The following MPZL3 variants were observed in gnomAD, a reference collection of about 807,000 sequenced individuals.
The protein encoded by MPZL3 is myelin protein zero like 3.
In MPZL3, 23 loss-of-function variants were observed where a neutral mutation model predicts 24.8. That is an observed-to-expected ratio of 0.93 (90% CI 0.67 to 1.31). MPZL3 has a LOEUF of 1.31. MPZL3 is among the 40% of genes most tolerant of loss of function. The probability of loss-of-function intolerance (pLI) is 0.00; values close to 1 mark genes in which losing one functional copy is unlikely to be tolerated. For missense variants in MPZL3, 277 were observed against 294.9 expected (o/e 0.94, Z 0.44); for synonymous variants, 99 against 106.5 (o/e 0.93, Z 0.44).
intron 1 of MPZL3, among the ~76,000 whole-genome samples, chr11:118,244,891 A>T (rs921834823): frequency 6.6e-6 from 1 of 152,174 alleles, no homozygotes; most frequent in Non-Finnish European, 1.5e-5. Context: ...CCTGGCTAAC[A>T]CGGTGAAACC....
chr11:118,238,357 T>C (rs1280109113), intron 2 of MPZL3, among the ~76,000 whole-genome samples: 2 of 152,206 alleles, frequency 1.3e-5, no homozygotes, highest in Non-Finnish European at 2.9e-5. Context: ...AGTGAATATA[T>C]GTTGAATTAA....
rs1555113047 is a variant in MPZL3 at position 118,251,118 on chromosome 11, T to TGA, written c.73+1102_73+1103dup. ...GTGTGTGTGTGTGTGTGTGTGTGTG[T>TGA]GAAAGAGAGAGAGAGAGGACTGGGT... is the stretch of plus-strand genomic sequence containing the variant. On this transcript the variant is annotated intron_variant, in intron 1 of 5. Coordinates refer to ENST00000278949, the MANE Select transcript of MPZL3 (RefSeq NM_198275.3). 4.2e-3 allele frequency among the ~76,000 whole-genome samples: 550 copies of TGA among 129,780 alleles called. 7 individuals carry two copies. Among genetic ancestry groups the TGA allele is most frequent in the African/African-American group, 0.015 (516 of 35,316 alleles). The allele number at this position is 129,780 out of a possible 152,430, so 85.1% of individuals were successfully genotyped here. A position where few individuals can be genotyped will look rare whatever the true frequency, so the allele number is the denominator to read the frequency against.
chr11:118,231,887 T>C (rs1949357191), intron 5 of MPZL3, among the ~76,000 whole-genome samples: 1 of 152,158 alleles, frequency 6.6e-6, no homozygotes. Flanking sequence ...TGCCTCCTAC[T>C]TGGACTCTCT....
intron 1 of MPZL3, among the ~76,000 whole-genome samples, chr11:118,249,340 C>CAT (rs1949593210): frequency 1.3e-5 from 2 of 152,216 alleles, no homozygotes; most frequent in African/African-American, 4.8e-5. Flanking sequence ...CTTTTCTCTA[C>CAT]ATATATATAC....
rs929527921 is a variant in MPZL3 at position 118,244,626 on chromosome 11, A to G, written c.74-4249T>C. ...CAACACAAAAAAACACGAAAGGGAG[A>G]GAAAATAGAATGAGATGTGGCTGGG... On this transcript the variant is annotated intron_variant, in intron 1 of 5. Coordinates refer to ENST00000278949, the MANE Select transcript of MPZL3 (RefSeq NM_198275.3). 5.9e-5 allele frequency among the ~76,000 whole-genome samples: 9 copies of G among 152,336 alleles called. No homozygotes were observed. In the East Asian group the frequency reaches 7.7e-4, roughly 13 times the overall value.
Position 118,235,454 on chromosome 11 carries a change from T to G in MPZL3, c.587A>C (p.Tyr196Ser), listed in dbSNP as rs773163333. The stretch of plus-strand genomic sequence containing the variant: ...GGAAACCTCAATAGATGACTTCTTA[T>G]AGCCAGACCTGCTCCTCTTCTTCAG... ...AGLKKRSRSG[Y>S]KKSSIEVSDD... Residue 196 changes from tyrosine to serine, a missense_variant, in exon 4 of 6, where the codon TAT (tyrosine) becomes TCT (serine). By Grantham distance (144) the Tyr-to-Ser change is moderately radical. Coordinates refer to ENST00000278949, the MANE Select transcript of MPZL3 (RefSeq NM_198275.3). 6.2e-6 allele frequency: 10 copies of G among 1,613,782 alleles called. No homozygotes were observed. Among genetic ancestry groups the G allele is most frequent in the Non-Finnish European group, 8.5e-6 (10 of 1,179,890 alleles).
rs1475358373 is a variant in MPZL3, at chr11:118,228,739, C to T, written c.*1155G>A. The T allele has an allele frequency of 1.3e-5, 2 of 152,136 alleles. No homozygotes were observed. Among genetic ancestry groups the T allele is most frequent in the African/African-American group, 2.4e-5 (1 of 41,404 alleles). 9.4% of individuals were successfully genotyped at this position (152,136 alleles called of 1,614,324 possible). A position where few individuals can be genotyped will look rare whatever the true frequency, so the allele number is the denominator to read the frequency against. ...AAGATGATTTAATTTGCAAAGAACT[C>T]CTGAAATACTCCATAAGCCCCCCAC... is the stretch of plus-strand genomic sequence containing the variant. On this transcript the variant is annotated 3_prime_UTR_variant, in exon 6 of 6. Coordinates refer to ENST00000278949, the MANE Select transcript of MPZL3 (RefSeq NM_198275.3).
chr11:118,240,465 T>A, intron 1 of MPZL3, 88 bp from the exon 2 acceptor site: 2 of 1,367,474 alleles, frequency 1.5e-6, no homozygotes, highest in Non-Finnish European at 2.0e-6. Flanking sequence ...AGAGCCCTCA[T>A]CAAAAAGCCA....
At chr11:118,238,576 C>T (rs1302100248) in intron 2 of MPZL3, among the ~76,000 whole-genome samples, 1 of 152,154 alleles carries the variant, frequency 6.6e-6, no homozygotes, top group Non-Finnish European at 1.5e-5. Context: ...TGGTACCTTC[C>T]CATTTAGGAA....
rs1390473954 is a variant in MPZL3, at chr11:118,227,447, G to A, written c.*2447C>T. 1 of 152,210 alleles carries A rather than the reference G, an allele frequency of 6.6e-6. No individual in the cohort carries two copies. Among genetic ancestry groups the A allele is most frequent in the African/African-American group, 2.4e-5 (1 of 41,448 alleles). The allele number at this position is 152,210 out of a possible 1,614,324, so 9.4% of individuals were successfully genotyped here. On this transcript the variant is annotated 3_prime_UTR_variant, in exon 6 of 6. Coordinates refer to ENST00000278949, the MANE Select transcript of MPZL3 (RefSeq NM_198275.3). ...TCATCCTTAAAGAAGGCAGGTGTCT[G>A]TACACTGCTTTGTGATCCTTCGAAG...
intron 1 of MPZL3, among the ~76,000 whole-genome samples, chr11:118,249,207 A>C (rs1286278552): frequency 2.0e-5 from 3 of 152,172 alleles, no homozygotes; most frequent in African/African-American, 7.2e-5. Flanking sequence ...GACTGGAAAG[A>C]AGCACAAAAG....
chr11:118,237,196 C>T lies in MPZL3; in HGVS notation c.305G>A (p.Trp102Ter). 2 of 1,614,066 alleles carry T rather than the reference C, an allele frequency of 1.2e-6. No individual in the cohort carries two copies. The highest frequency in any genetic ancestry group is 8.5e-7 in the Non-Finnish European group (1 of 1,179,974). ...ATCCCCTTTGTATACATTTCCAACC[C>T]AGGAAATCCGATCCCGAAATGTGCC... The part of the protein sequence containing the change: ...TAGTFRDRIS[W>*]VGNVYKGDAS... The change falls in exon 3 of 6, where the codon TGG becomes TAG. Residue 102 changes from tryptophan to a stop codon, truncating the protein, a stop_gained. Coordinates refer to ENST00000278949, the MANE Select transcript of MPZL3 (RefSeq NM_198275.3). LOFTEE classifies it high-confidence loss of function.
chr11:118,234,955 C>T (rs139049672), intron 4 of MPZL3, among the ~76,000 whole-genome samples: 488 of 152,212 alleles, frequency 3.2e-3, no homozygotes, highest in Non-Finnish European at 4.9e-3. Context: ...ATCCATGTAG[C>T]CCCTCCCTTC....
At chr11:118,249,651 GC>G (rs1949597641) in intron 1 of MPZL3, among the ~76,000 whole-genome samples, 1 of 151,392 alleles carries the variant, frequency 6.6e-6, no homozygotes, top group South Asian at 2.1e-4. Context: ...AATCTTGTAT[GC>G]CCCATTTTCT....
chr11:118,240,781 A>T (rs181819255), intron 1 of MPZL3, among the ~76,000 whole-genome samples: 2,002 of 127,988 alleles, frequency 0.016, 47 homozygotes, highest in African/African-American at 0.048. Flanking sequence ...ACACACACAC[A>T]CACTCTGGGA....
chr11:118,251,264 A>G (rs932520104), intron 1 of MPZL3, among the ~76,000 whole-genome samples: 2 of 152,094 alleles, frequency 1.3e-5, no homozygotes, highest in African/African-American at 4.8e-5. Context: ...GGCAACATGA[A>G]TATTAGTCAC....
chr11:118,232,566 A>AC, intron 5 of MPZL3, among the ~76,000 whole-genome samples: 10 of 152,128 alleles, frequency 6.6e-5, no homozygotes, highest in African/African-American at 2.4e-4. Flanking sequence ...CAGATGCTCA[A>AC]CAAATCACTG....
chr11:118,229,888 C>G lies in MPZL3; in HGVS notation c.*6G>C. 1 of 1,613,536 alleles carries G rather than the reference C, an allele frequency of 6.2e-7. No homozygotes were observed. On this transcript the variant is annotated 3_prime_UTR_variant, in exon 6 of 6. Coordinates refer to ENST00000278949, the MANE Select transcript of MPZL3 (RefSeq NM_198275.3). ...GGTGACTCTTCTTGTGTCATACAGA[C>G]TTTCATCAATATGTCTCTTCATAGT...
chr11:118,235,443 A>T lies in MPZL3; in HGVS notation c.598T>A (p.Ser200Thr). ...ACTTACTCATCGGAAACCTCAATAG[A>T]TGACTTCTTATAGCCAGACCTGCTC... The part of the protein sequence containing the change: ...KRSRSGYKKS[S>T]IEVSDDTDQE... Residue 200 changes from serine to threonine, a missense_variant, in exon 4 of 6, where the codon TCT becomes ACT. Coordinates refer to ENST00000278949, the MANE Select transcript of MPZL3 (RefSeq NM_198275.3). 2 of 1,613,760 alleles carry T rather than the reference A, an allele frequency of 1.2e-6. No homozygotes were observed. Among genetic ancestry groups the T allele is most frequent in the Non-Finnish European group, 1.7e-6 (2 of 1,179,834 alleles).
Sources: gnomAD v4.1 joint callset for allele counts (sites outside exome capture counted in the v4.1 genomes callset) on GRCh38, gnomAD v4.1.1 for gene constraint, MANE v1.5 for transcripts, NCBI Gene and HGNC (gene_info 2026-07-23, HGNC 2026-07-21) for gene names.